The following GAB2 variants were observed in gnomAD, a reference collection of about 807,000 sequenced individuals.
GAB2 encodes the protein GRB2 associated binding protein 2.
A neutral mutation model predicts 65.5 loss-of-function variants in GAB2; 26 were observed. That is an observed-to-expected ratio of 0.40 (90% CI 0.29 to 0.55). GAB2 has a LOEUF of 0.55. GAB2 is among the 20% of genes least tolerant of loss of function. GAB2 has a pLI of 0.53. For synonymous variants in GAB2, 321 were observed against 329.6 expected (o/e 0.97, Z 0.28); for missense variants, 884 against 875.8 (o/e 1.01, Z -0.12).
At chr11:78,400,579 T>C (rs750409489) in intron 1 of GAB2, among the ~76,000 whole-genome samples, 5 of 152,158 alleles carry the variant, frequency 3.3e-5, no homozygotes, top group Admixed American at 6.5e-5. Context: ...ATTGTCCCTT[T>C]CTACCTAGAG....
At chr11:78,410,799 G>A (rs907421160) in intron 1 of GAB2, among the ~76,000 whole-genome samples, 4 of 152,112 alleles carry the variant, frequency 2.6e-5, no homozygotes, top group African/African-American at 9.7e-5. Flanking sequence ...AGATCCAGAT[G>A]GTTTAATCTG....
At chr11:78,311,054 A>G (rs1289261591) in intron 1 of GAB2, among the ~76,000 whole-genome samples, 1 of 152,224 alleles carries the variant, frequency 6.6e-6, no homozygotes, top group Non-Finnish European at 1.5e-5. Context: ...AGCTCTGGGA[A>G]GCAGAGGCAA....
At chr11:78,321,752 G>T (rs770708673) in intron 1 of GAB2, among the ~76,000 whole-genome samples, 20 of 151,986 alleles carry the variant, frequency 1.3e-4, no homozygotes, top group Non-Finnish European at 2.5e-4. Flanking sequence ...ATACTAAAAG[G>T]CTATTGTAAC....
At chr11:78,291,294 CAAAAAAAAAAA>C (rs397848614) in intron 1 of GAB2, among the ~76,000 whole-genome samples, 1 of 103,894 alleles carries the variant, frequency 9.6e-6, no homozygotes, top group Non-Finnish European at 1.9e-5. Flanking sequence ...ACTAAAACGA[CAAAAAAAAAAA>C]AAAAAAAAAA....
chr11:78,323,533 G>A (rs1045964976), intron 1 of GAB2, among the ~76,000 whole-genome samples: 1 of 151,466 alleles, frequency 6.6e-6, no homozygotes, highest in Admixed American at 6.6e-5. Flanking sequence ...AAAAGGAAAC[G>A]AAACCAAACA....
At chr11:78,363,080 A>G (rs1856454886) in intron 1 of GAB2, among the ~76,000 whole-genome samples, 1 of 152,222 alleles carries the variant, frequency 6.6e-6, no homozygotes, top group Non-Finnish European at 1.5e-5. Flanking sequence ...CCTTTTGCCA[A>G]CTCAAGTTAA....
intron 3 of GAB2, among the ~76,000 whole-genome samples, chr11:78,248,778 G>T (rs1024704061): frequency 1.9e-4 from 29 of 152,298 alleles, no homozygotes; most frequent in Admixed American, 7.2e-4. Context: ...GAAAGTAAAA[G>T]AACCTGAATT....
At chr11:78,382,836 G>A (rs982046754) in intron 1 of GAB2, among the ~76,000 whole-genome samples, 2 of 152,190 alleles carry the variant, frequency 1.3e-5, no homozygotes, top group South Asian at 2.1e-4. Flanking sequence ...CAAGGAACTC[G>A]ATTAGAAGTC....
At chr11:78,228,980 A>G (rs1864763437) in intron 3 of GAB2, among the ~76,000 whole-genome samples, 1 of 152,058 alleles carries the variant, frequency 6.6e-6, no homozygotes, top group African/African-American at 2.4e-5. Flanking sequence ...CTGATGTCCT[A>G]ATTTCCATCT....
intron 1 of GAB2, among the ~76,000 whole-genome samples, chr11:78,348,785 G>A (rs1054640472): frequency 2.6e-5 from 4 of 152,182 alleles, no homozygotes; most frequent in African/African-American, 9.7e-5. Flanking sequence ...GTTCATATCA[G>A]CTTTATTTAA....
intron 1 of GAB2, among the ~76,000 whole-genome samples, chr11:78,315,980 CG>C (rs1855595033): frequency 6.6e-6 from 1 of 152,108 alleles, no homozygotes; most frequent in South Asian, 2.1e-4. Context: ...AGAAAGCAAG[CG>C]GAAGAAGGTG....
chr11:78,223,187 C>CCA (rs1864511222), intron 6 of GAB2, among the ~76,000 whole-genome samples: 1 of 152,164 alleles, frequency 6.6e-6, no homozygotes. Context: ...CTTTACTGAA[C>CCA]GCCTGCTATG....
intron 8 of GAB2, among the ~76,000 whole-genome samples, 174 bp downstream of exon 8, chr11:78,221,500 ACTC>A (rs2134454583): frequency 6.6e-6 from 1 of 152,048 alleles, no homozygotes; most frequent in African/African-American, 2.4e-5. Context: ...TCTGATGACA[ACTC>A]CTACTGCTTG....
chr11:78,313,056 A>G (rs12284361), intron 1 of GAB2, among the ~76,000 whole-genome samples: 4,253 of 152,244 alleles, frequency 0.028, 207 homozygotes, highest in African/African-American at 0.099. Context: ...TCTGCTATTT[A>G]TTGTGTGATC....
chr11:78,311,350 G>T (rs1174653869), intron 1 of GAB2, among the ~76,000 whole-genome samples: 1 of 151,986 alleles, frequency 6.6e-6, no homozygotes, highest in Non-Finnish European at 1.5e-5. Context: ...AAATGAAGAT[G>T]ATAATCCTAA....
At chr11:78,321,260 G>T (rs533687913) in intron 1 of GAB2, among the ~76,000 whole-genome samples, 174 of 152,322 alleles carry the variant, frequency 1.1e-3, no homozygotes, top group African/African-American at 3.9e-3. Flanking sequence ...AAGGGGAACA[G>T]ATGTTTCCGA....
Position 78,280,815 on chromosome 11 carries a change from G to C in GAB2, c.162C>G (p.Ser54=), listed in dbSNP as rs149413867. 130 of 1,613,906 alleles carry C rather than the reference G, an allele frequency of 8.1e-5. No homozygotes were observed. Among genetic ancestry groups the C allele is most frequent in the Non-Finnish European group, 1.1e-4 (124 of 1,179,864 alleles). Residue 54 remains serine (S), a synonymous_variant, in exon 2 of 10, where the codon TCC becomes TCG. Transcript: ENST00000361507. ...GGTTGATGATCCGCAGAGGCTTCTTGGAGTGATCGTTCTTGTAGTATTCCA... is the reference window on the plus strand; with the variant it reads ...GGTTGATGATCCGCAGAGGCTTCTTCGAGTGATCGTTCTTGTAGTATTCCA... ...DVLEYYKNDH[S]KKPLRIINLN... is the part of the protein sequence containing the mutation.
chr11:78,407,138 G>A (rs1857055237), intron 1 of GAB2, among the ~76,000 whole-genome samples: 1 of 152,084 alleles, frequency 6.6e-6, no homozygotes, highest in Non-Finnish European at 1.5e-5. Flanking sequence ...TTTTGTCATT[G>A]GATTCTTGGA....
At chr11:78,255,149 A>G (rs1021722729) in intron 2 of GAB2, among the ~76,000 whole-genome samples, 15 of 152,128 alleles carry the variant, frequency 9.9e-5, no homozygotes, top group Non-Finnish European at 4.4e-5. Flanking sequence ...ATACCATGTG[A>G]TGTATGGGTC....
Sources: allele counts gnomAD v4.1 joint callset (sites outside exome capture counted in the v4.1 genomes callset), GRCh38; gene constraint gnomAD v4.1.1; transcripts MANE v1.5; gene names NCBI Gene and HGNC (gene_info 2026-07-23, HGNC 2026-07-21).